Variants in RYR1 observed in about 807,000 individuals in gnomAD.
RYR1 encodes the protein ryanodine receptor 1, also known as central core disease of muscle.
In RYR1, 342 loss-of-function variants were observed where a neutral mutation model predicts 583.5. The ratio of observed to expected loss-of-function variants is 0.59; its 90% CI spans 0.54 to 0.64. RYR1 has a LOEUF of 0.64. RYR1 is among the 30% of genes least tolerant of loss of function. The probability of loss-of-function intolerance (pLI) is 0.00; values close to 1 mark genes in which losing one functional copy is unlikely to be tolerated. For missense variants in RYR1, 6,032 were observed against 6,917.2 expected (o/e 0.87, Z 4.54); for synonymous variants, 2,791 against 2,822.5 (o/e 0.99, Z 0.35).
chr19:38,496,975 C>T lies in RYR1; in HGVS notation c.6891+21C>T, dbSNP rs751308944. The stretch of plus-strand genomic sequence containing the variant: ...AAAAGGTGTGGAGGGCAGGGCTGGG[C>T]CCCAGGCCTAAGGGAGGAAATCGGG... On this transcript the variant is annotated intron_variant, in intron 42 of 105. Transcript: ENST00000359596. The surrounding 1 kb of genome is among the most constrained non-coding windows in gnomAD (Gnocchi z 4.8). 2 of 1,598,618 alleles carry T rather than the reference C, an allele frequency of 1.3e-6. No homozygotes were observed. Among genetic ancestry groups the T allele is most frequent in the East Asian group, 2.2e-5 (1 of 44,814 alleles).
chr19:38,519,063 T>C, intron 66 of RYR1, 151 bp from the exon 67 acceptor site: 2 of 1,279,152 alleles, frequency 1.6e-6, no homozygotes, highest in South Asian at 1.2e-5. Context: ...CTGGGATCAG[T>C]GTTCAGGGAC....
chr19:38,565,143 C>G lies in RYR1; in HGVS notation c.12809C>G (p.Ala4270Gly). 2 of 1,521,392 alleles carry G rather than the reference C, an allele frequency of 1.3e-6. No individual in the cohort carries two copies. Among genetic ancestry groups the G allele is most frequent in the Non-Finnish European group, 1.8e-6 (2 of 1,138,114 alleles). 94.2% of individuals were successfully genotyped at this position (1,521,392 alleles called of 1,614,324 possible). Residue 4270 changes from alanine to glycine, a missense_variant, in exon 91 of 106, where the codon GCG becomes GGG. Transcript: ENST00000359596. The surrounding 1 kb of genome is among the most constrained non-coding windows in gnomAD (Gnocchi z 4.7). ...GACGAGGGCGCGGGCGCGGCGGAGG[C>G]GGGCGCGGAAGGCGCGGAGGAGGGC... ...DEDEGAGAAE[A>G]GAEGAEEGAA...
chr19:38,556,202 G>T (rs1473640702), intron 89 of RYR1, among the ~76,000 whole-genome samples: 1 of 151,884 alleles, frequency 6.6e-6, no homozygotes, highest in African/African-American at 2.4e-5. Flanking sequence ...GTAAAAAGAG[G>T]ACCGGCATGG....
chr19:38,581,305 C>G (rs1489253280), intron 101 of RYR1, among the ~76,000 whole-genome samples: 1 of 152,102 alleles, frequency 6.6e-6, no homozygotes, highest in Non-Finnish European at 1.5e-5. Context: ...TCTCGATCTC[C>G]TGACCTGGTG....
chr19:38,442,926 C>T (rs1484324320), intron 3 of RYR1, among the ~76,000 whole-genome samples: 2 of 152,182 alleles, frequency 1.3e-5, no homozygotes, highest in African/African-American at 4.8e-5. Context: ...TCCCTCTGGT[C>T]CAGGAGTGGG....
At chr19:38,522,260 A>G (rs1308155888) in intron 67 of RYR1, among the ~76,000 whole-genome samples, 1 of 152,152 alleles carries the variant, frequency 6.6e-6, no homozygotes, top group Non-Finnish European at 1.5e-5. Flanking sequence ...GCATGCATGT[A>G]TTATATTTAT....
chr19:38,502,886 C>G lies in RYR1; in HGVS notation c.7842C>G (p.Ile2614Met). 1 of 1,611,020 alleles carries G rather than the reference C, an allele frequency of 6.2e-7. No individual in the cohort carries two copies. Among genetic ancestry groups the G allele is most frequent in the Non-Finnish European group, 8.5e-7 (1 of 1,179,956 alleles). Residue 2614 changes from isoleucine to methionine, a missense_variant, in exon 49 of 106, where the codon ATC becomes ATG. Transcript: ENST00000359596. ...CTTGTGCATTGTCCCGCAGGTACAT[C>G]CGCCCGTCGATGCTGCAGCACCTGT... Reference protein sequence around the residue: ...EDCLMSLCRYIRPSMLQHLLR... With the variant: ...EDCLMSLCRYMRPSMLQHLLR...
intron 29 of RYR1, among the ~76,000 whole-genome samples, chr19:38,475,962 G>T (rs543215052): frequency 6.6e-6 from 1 of 152,168 alleles, no homozygotes; most frequent in Non-Finnish European, 1.5e-5. Flanking sequence ...CCACGGATGC[G>T]GGGAAGGATG....
At position 38,580,899 on chromosome 19, in the gene RYR1, A is replaced by ATT. The variant is rs74176451; in HGVS notation, c.14646+412_14646+413dup. Among the ~76,000 whole-genome samples the ATT allele has an allele frequency of 7.4e-3, 979 of 132,784 alleles. 14 individuals carry two copies. The highest frequency in any genetic ancestry group is 0.023 in the African/African-American group (797 of 35,208). The allele number at this position is 132,784 out of a possible 152,430, so 87.1% of individuals were successfully genotyped here. On this transcript the variant is annotated intron_variant, in intron 101 of 105. Transcript: ENST00000359596. ...TGGCAAGCTGATGCATGCCAGGCAC[A>ATT]TTTTTTTTTTTTTTTTTTGAGATGG...
chr19:38,522,927 A>T (rs1440188343), intron 67 of RYR1, 101 bp from the exon 68 acceptor site: 3 of 935,712 alleles, frequency 3.2e-6, no homozygotes, highest in Middle Eastern at 3.1e-4. Flanking sequence ...CTCTGACTGG[A>T]TGTCTCCTGG....
rs1161726783 is a variant in RYR1 at position 38,485,693 on chromosome 19, G to A, written c.5038G>A (p.Val1680Met). 4 of 1,611,276 alleles carry A rather than the reference G, an allele frequency of 2.5e-6. No individual in the cohort carries two copies. Among genetic ancestry groups the A allele is most frequent in the South Asian group, 2.2e-5 (2 of 91,046 alleles). Residue 1680 changes from valine to methionine, a missense_variant, in exon 34 of 106, where the codon GTG becomes ATG. Transcript: ENST00000359596. ...TGTGTGCGCCCTGGGCAACAATCGC[G>A]TGGCGCACGCTCTGTGCAGCCACGT... is the stretch of plus-strand genomic sequence containing the variant. ...RAVCALGNNR[V>M]AHALCSHVDQ... is the part of the protein sequence containing the mutation.
intron 58 of RYR1, among the ~76,000 whole-genome samples, chr19:38,509,579 G>T (rs1481637226): frequency 6.6e-6 from 1 of 151,420 alleles, no homozygotes; most frequent in African/African-American, 2.4e-5. Flanking sequence ...AGCCTCCCGA[G>T]TAGCTGGGAC....
Position 38,485,934 on chromosome 19 carries a change from A to C in RYR1, c.5279A>C (p.His1760Pro), listed in dbSNP as rs758330549. The change falls in exon 34 of 106, where the codon CAT becomes CCT. Residue 1760 changes from histidine to proline, a missense_variant. Coordinates refer to ENST00000359596, the MANE Select transcript of RYR1 (RefSeq NM_000540.3). ...GRSTENGHPR[H>P]GLPGVGVTTS... ...AGCACAGAAAATGGTCACCCCCGGC[A>C]TGGCCTGCCGGGAGTTGGAGTCACC... The C allele has an allele frequency of 1.9e-6, 3 of 1,613,598 alleles. No individual in the cohort carries two copies. The Admixed American group carries it at 5.0e-5, about 27-fold the overall frequency.
intron 101 of RYR1, among the ~76,000 whole-genome samples, chr19:38,584,718 A>C (rs1437448335): frequency 1.8e-3 from 76 of 42,382 alleles, no homozygotes; most frequent in African/African-American, 2.1e-3. Flanking sequence ...CCTGCGCCCC[A>C]CACCCAACCT....
At chr19:38,478,005 C>T (rs1329923357) in intron 30 of RYR1, 135 bp downstream of exon 30, 1 of 847,508 alleles carries the variant, frequency 1.2e-6, no homozygotes, top group Non-Finnish European at 1.9e-6. Context: ...CTCTGGGGCA[C>T]TGGGCACCCA....
At chr19:38,560,275 C>G (rs1297465674) in intron 89 of RYR1, among the ~76,000 whole-genome samples, 1 of 151,740 alleles carries the variant, frequency 6.6e-6, no homozygotes, top group African/African-American at 2.4e-5. Flanking sequence ...AAGCACGAGA[C>G]TCATTTGACC....
chr19:38,559,811 G>A (rs192252698), intron 89 of RYR1, among the ~76,000 whole-genome samples: 26 of 152,280 alleles, frequency 1.7e-4, no homozygotes, highest in Admixed American at 1.4e-3. Flanking sequence ...CTACCCGTCT[G>A]GAGGTAATGA....
rs373682556 is a variant in RYR1, at chr19:38,578,104, T to C, written c.14304-40T>C. 1.9e-6 allele frequency: 3 copies of C among 1,612,482 alleles called. No homozygotes were observed. In the Admixed American group the frequency reaches 5.0e-5, roughly 27 times the overall value. ...GGGCATGCAGGGGAGGTGACTGGAG[T>C]CTGACACTCAAGCATCTCTCCCCAC... On this transcript the variant is annotated intron_variant, in intron 98 of 105. Transcript: ENST00000359596.
intron 28 of RYR1, among the ~76,000 whole-genome samples, chr19:38,474,220 T>C (rs1400169071): frequency 1.3e-5 from 2 of 152,120 alleles, no homozygotes; most frequent in Non-Finnish European, 2.9e-5. Context: ...TCTGAGAAGG[T>C]ACTAAATCTG....
Sources: gnomAD v4.1 joint callset for allele counts (sites outside exome capture counted in the v4.1 genomes callset) on GRCh38, gnomAD v4.1.1 for gene constraint, Gnocchi (gnomAD v3.1) non-coding constraint, MANE v1.5 for transcripts, NCBI Gene and HGNC (gene_info 2026-07-23, HGNC 2026-07-21) for gene names.